KIAA1217: variants seen among roughly 807,000 people sequenced by gnomAD.
KIAA1217 encodes sickle tail protein homolog.
Under a neutral mutation model 163.9 loss-of-function variants are expected in KIAA1217, and 88 were observed. That is an observed-to-expected ratio of 0.54 (90% CI 0.45 to 0.64). The LOEUF (loss-of-function observed/expected upper bound fraction) is 0.64. Among genes scored for constraint, KIAA1217 ranks in the 30% least tolerant of loss-of-function variants. The pLI is 0.00. For synonymous variants in KIAA1217, 903 were observed against 923.1 expected (o/e 0.98, Z 0.39); for missense variants, 2,372 against 2,475.0 (o/e 0.96, Z 0.88).
At chr10:23,817,986 T>TACACAC (rs1321270420) in intron 1 of KIAA1217, among the ~76,000 whole-genome samples, 6 of 123,810 alleles carry the variant, frequency 4.8e-5, no homozygotes, top group South Asian at 2.6e-4. Context: ...TATATATATA[T>TACACAC]ATATATATAT....
chr10:24,453,744 T>C (rs2061560352), intron 5 of KIAA1217, among the ~76,000 whole-genome samples: 1 of 152,176 alleles, frequency 6.6e-6, no homozygotes, highest in African/African-American at 2.4e-5. Context: ...AGAAAAGCAG[T>C]TTGTAAATGG....
intron 3 of KIAA1217, among the ~76,000 whole-genome samples, chr10:24,385,439 G>T (rs960797781): frequency 6.6e-6 from 1 of 152,178 alleles, no homozygotes; most frequent in Non-Finnish European, 1.5e-5. Context: ...TCTCCCTCGG[G>T]TGCTGTCCTG....
intron 1 of KIAA1217, among the ~76,000 whole-genome samples, chr10:23,924,001 A>G (rs1842935937): frequency 6.6e-6 from 1 of 152,090 alleles, no homozygotes; most frequent in Non-Finnish European, 1.5e-5. Context: ...CTATGTTTTC[A>G]TAGGATTTAA....
intron 4 of KIAA1217, among the ~76,000 whole-genome samples, chr10:24,435,335 A>G (rs2131874169): frequency 6.6e-6 from 1 of 152,366 alleles, no homozygotes; most frequent in South Asian, 2.1e-4. Flanking sequence ...TTGCATTCAC[A>G]AAGCGTAAAC....
chr10:23,791,040 G>A (rs943048194), intron 1 of KIAA1217, among the ~76,000 whole-genome samples: 1 of 151,916 alleles, frequency 6.6e-6, no homozygotes, highest in Non-Finnish European at 1.5e-5. Flanking sequence ...AGGCCAAATA[G>A]GTCACTTTTA....
intron 2 of KIAA1217, among the ~76,000 whole-genome samples, chr10:24,199,284 A>G (rs1210247367): frequency 6.6e-6 from 1 of 152,226 alleles, no homozygotes; most frequent in Non-Finnish European, 1.5e-5. Flanking sequence ...ATAGTTATAT[A>G]TTTACTATAC....
chr10:23,758,188 G>A (rs146032751), intron 1 of KIAA1217, among the ~76,000 whole-genome samples: 11 of 152,218 alleles, frequency 7.2e-5, no homozygotes, highest in Non-Finnish European at 7.4e-5. Context: ...TACAGTTATA[G>A]CTATTACATT....
At chr10:24,209,349 A>C in intron 1 of KIAA1217, 86 bp downstream of exon 1, 14 of 902,232 alleles carry the variant, frequency 1.6e-5, no homozygotes, top group South Asian at 3.2e-5. Context: ...CAGCTCTGGG[A>C]CCCGGCAAAG....
At chr10:24,056,205 G>A (rs971823021) in intron 2 of KIAA1217, among the ~76,000 whole-genome samples, 1 of 152,106 alleles carries the variant, frequency 6.6e-6, no homozygotes, top group Non-Finnish European at 1.5e-5. Context: ...TAAATTGGGT[G>A]TAGTTCCAGA....
intron 6 of KIAA1217, among the ~76,000 whole-genome samples, chr10:24,488,634 C>G (rs1043959527): frequency 3.9e-5 from 6 of 152,198 alleles, no homozygotes; most frequent in Non-Finnish European, 8.8e-5. Context: ...ATAGAAAGGT[C>G]ATTGCTTAGA....
At position 23,843,265 on chromosome 10, in the gene KIAA1217, ATATCT is replaced by A. The variant is rs1373718168; in HGVS notation, c.-321+148034_-321+148038del. ...AGCAAGGAAATCAAGTAAAACAGTA[ATATCT>A]TAAGTAATTTAGTAGATCAACTCGA... On this transcript the variant is annotated intron_variant, in intron 1 of 18. Transcript: ENST00000376462. Among the ~76,000 whole-genome samples, 10 of 152,314 alleles carry A rather than the reference ATATCT, an allele frequency of 6.6e-5. No individual in the cohort carries two copies. In the South Asian group the frequency reaches 2.1e-3, roughly 32 times the overall value.
chr10:23,858,629 A>C (rs1277842482), intron 1 of KIAA1217, among the ~76,000 whole-genome samples: 1 of 152,106 alleles, frequency 6.6e-6, no homozygotes, highest in Non-Finnish European at 1.5e-5. Context: ...TAGTATAATC[A>C]TAAGTCTAAT....
At chr10:24,130,457 A>G (rs1185707386) in intron 2 of KIAA1217, among the ~76,000 whole-genome samples, 2 of 152,218 alleles carry the variant, frequency 1.3e-5, no homozygotes, top group Non-Finnish European at 2.9e-5. Flanking sequence ...TTTTGTGTGC[A>G]TCAATGAATC....
At chr10:24,298,846 C>G (rs985555992) in intron 2 of KIAA1217, among the ~76,000 whole-genome samples, 1 of 151,836 alleles carries the variant, frequency 6.6e-6, no homozygotes, top group Non-Finnish European at 1.5e-5. Flanking sequence ...AAGAGCATAT[C>G]CCACAGGAAA....
At chr10:24,159,137 G>A (rs2065006331) in intron 2 of KIAA1217, among the ~76,000 whole-genome samples, 1 of 152,046 alleles carries the variant, frequency 6.6e-6, no homozygotes, top group African/African-American at 2.4e-5. Flanking sequence ...TTTCATAAAA[G>A]GGGACTATAG....
intron 1 of KIAA1217, among the ~76,000 whole-genome samples, chr10:23,984,273 C>T (rs996999191): frequency 6.6e-6 from 1 of 152,196 alleles, no homozygotes; most frequent in Non-Finnish European, 1.5e-5. Context: ...GAAGTTATCT[C>T]TGTCTATTCC....
intron 1 of KIAA1217, among the ~76,000 whole-genome samples, chr10:23,715,409 G>T (rs538357948): frequency 1.3e-5 from 2 of 152,220 alleles, no homozygotes; most frequent in African/African-American, 4.8e-5. Context: ...CCAGTTATGC[G>T]TATTAGATCA....
chr10:23,986,443 C>T (rs1283149091), intron 1 of KIAA1217, among the ~76,000 whole-genome samples: 1 of 152,214 alleles, frequency 6.6e-6, no homozygotes, highest in Admixed American at 6.5e-5. Context: ...TGCATATAAC[C>T]TATGCATGTC....
intron 1 of KIAA1217, among the ~76,000 whole-genome samples, chr10:23,945,249 G>T (rs1031030172): frequency 6.6e-6 from 1 of 151,956 alleles, no homozygotes; most frequent in Non-Finnish European, 1.5e-5. Flanking sequence ...AGTGGGAGAG[G>T]ATAAACAAAC....
Sources: gnomAD v4.1 joint callset for allele counts (sites outside exome capture counted in the v4.1 genomes callset) on GRCh38, gnomAD v4.1.1 for gene constraint, MANE v1.5 for transcripts, NCBI Gene and HGNC (gene_info 2026-07-23, HGNC 2026-07-21) for gene names.